The following SLC39A8 variants were observed in gnomAD, a reference collection of about 807,000 sequenced individuals.
SLC39A8 encodes the protein metal cation symporter ZIP8.
In SLC39A8, 15 loss-of-function variants were observed where a neutral mutation model predicts 40.4. The ratio of observed to expected loss-of-function variants is 0.37; its 90% confidence interval spans 0.25 to 0.57. The LOEUF (loss-of-function observed/expected upper bound fraction) is 0.57, where lower values mean the gene tolerates loss of function less well. Ranked by LOEUF, SLC39A8 falls within the 20% of genes least tolerant of loss-of-function variation. The pLI is 0.75. For synonymous variants in SLC39A8, 223 were observed against 221.6 expected, an observed-to-expected ratio of 1.01 and a Z score of -0.06; for missense variants, 472 against 558.8, an observed-to-expected ratio of 0.84 and a Z score of 1.57.
At chr4:102,289,956 CA>C (rs1268687782) in intron 6 of SLC39A8, among the ~76,000 whole-genome samples, 1 of 152,174 alleles carries the variant, frequency 6.6e-6, no homozygotes, top group Non-Finnish European at 1.5e-5. Context: ...CAGAGGATGG[CA>C]TCCAATGTGG....
intron 2 of SLC39A8, among the ~76,000 whole-genome samples, chr4:102,341,386 G>C (rs1243883651): frequency 6.6e-6 from 1 of 152,138 alleles, no homozygotes; most frequent in Admixed American, 6.5e-5. Flanking sequence ...TGAGGAAAAG[G>C]AACATTTGAA....
At chr4:102,255,640 A>G (rs955584804) in intron 11 of SLC39A8, among the ~76,000 whole-genome samples, 1 of 152,200 alleles carries the variant, frequency 6.6e-6, no homozygotes, top group Non-Finnish European at 1.5e-5. Context: ...ATTGGTTGAC[A>G]ATCTCCAGTA....
intron 6 of SLC39A8, among the ~76,000 whole-genome samples, chr4:102,296,831 G>C (rs1341803005): frequency 6.6e-6 from 1 of 152,078 alleles, no homozygotes; most frequent in African/African-American, 2.4e-5. Flanking sequence ...AACTCAACAG[G>C]GAGGGGAGGG....
At chr4:102,333,616 G>A (rs879400423) in intron 2 of SLC39A8, among the ~76,000 whole-genome samples, 24 of 152,286 alleles carry the variant, frequency 1.6e-4, no homozygotes, top group African/African-American at 5.3e-4. Flanking sequence ...AGATGGAGTT[G>A]ATGAGTTTTG....
At chr4:102,278,928 A>T (rs545942138) in intron 6 of SLC39A8, among the ~76,000 whole-genome samples, 42 of 152,132 alleles carry the variant, frequency 2.8e-4, no homozygotes, top group African/African-American at 8.7e-4. Context: ...TCTCACTCAT[A>T]AGTGAGAGTT....
chr4:102,344,621 C>T lies in SLC39A8; in HGVS notation c.42G>A (p.Ala14=), dbSNP rs74655612. 1.3e-6 allele frequency: 2 copies of T among 1,539,598 alleles called. No homozygotes were observed. The highest frequency in any genetic ancestry group is 2.5e-5 in the East Asian group (1 of 39,722). ...CCGCCACTCCTCCGAGGCCGGCGGCCGCCAGCAACAGGAGCCCGGCCACCG... is the reference window on the plus strand; with the variant it reads ...CCGCCACTCCTCCGAGGCCGGCGGCTGCCAGCAACAGGAGCCCGGCCACCG... ...GRAVAGLLLL[A]AAGLGGVAEG... The change falls in exon 2 of 9, where the codon GCG becomes GCA. Residue 14 remains alanine (A), a synonymous_variant. Transcript: ENST00000356736.
At chr4:102,275,949 C>A (rs565536713) in intron 6 of SLC39A8, among the ~76,000 whole-genome samples, 2 of 152,170 alleles carry the variant, frequency 1.3e-5, no homozygotes, top group Non-Finnish European at 2.9e-5. Flanking sequence ...AGAACAAAGA[C>A]ACAACGTACC....
chr4:102,325,723 A>G (rs530564856), intron 2 of SLC39A8, among the ~76,000 whole-genome samples: 33 of 152,234 alleles, frequency 2.2e-4, no homozygotes, highest in Admixed American at 1.9e-3. Flanking sequence ...TTAACAATGT[A>G]CTTGTATTTC....
chr4:102,267,093 C>T (rs1473787909), intron 8 of SLC39A8, among the ~76,000 whole-genome samples: 2 of 152,134 alleles, frequency 1.3e-5, no homozygotes, highest in African/African-American at 4.8e-5. Context: ...ATGCTATTTA[C>T]TCTAATAAGT....
At chr4:102,333,926 C>T (rs1448348663) in intron 2 of SLC39A8, among the ~76,000 whole-genome samples, 1 of 152,118 alleles carries the variant, frequency 6.6e-6, no homozygotes, top group African/African-American at 2.4e-5. Context: ...AAACATGGCA[C>T]AAACAGCTGC....
chr4:102,289,021 G>C (rs926538230), intron 6 of SLC39A8, among the ~76,000 whole-genome samples: 1 of 152,114 alleles, frequency 6.6e-6, no homozygotes, highest in African/African-American at 2.4e-5. Flanking sequence ...GCCATCCAGG[G>C]CTTTCATAGC....
downstream of SLC39A8, among the ~76,000 whole-genome samples, chr4:102,258,104 G>GTTTTTTTTTTTTTTTTTTTTTTTTT (rs752860248): frequency 6.8e-6 from 1 of 146,134 alleles, no homozygotes; most frequent in African/African-American, 2.7e-5. Flanking sequence ...AGTGTTTTTT[G>GTTTTTTTTTTTTTTTTTTTTTTTTT]TTTTTTGTTT....
downstream of SLC39A8, among the ~76,000 whole-genome samples, chr4:102,257,694 C>T (rs1456715269): frequency 6.6e-6 from 1 of 152,104 alleles, no homozygotes; most frequent in Non-Finnish European, 1.5e-5. Flanking sequence ...AGTCTATGTC[C>T]CCAACATTGC....
chr4:102,297,778 C>T (rs1469439147), intron 6 of SLC39A8, among the ~76,000 whole-genome samples: 4 of 151,886 alleles, frequency 2.6e-5, no homozygotes, highest in Admixed American at 1.3e-4. Context: ...GTTAGCCAGG[C>T]ATGGTGGCAT....
rs1731907434 is a variant in SLC39A8, at chr4:102,262,482, C to T, written c.*562G>A. 2 of 985,164 alleles carry T rather than the reference C, an allele frequency of 2.0e-6. No homozygotes were observed. The highest frequency in any genetic ancestry group is 1.7e-5 in the African/African-American group (1 of 57,316). The allele number at this position is 985,164 out of a possible 1,614,324, so 61.0% of individuals were successfully genotyped here. A position where few individuals can be genotyped will look rare whatever the true frequency, so the allele number is the denominator to read the frequency against. ...GTTTTCAAAATAATACTGCAAGTTCCTAATTGAAATACAAAACAGAACAAA... is the reference window on the plus strand; with the variant it reads ...GTTTTCAAAATAATACTGCAAGTTCTTAATTGAAATACAAAACAGAACAAA... On this transcript the variant is annotated 3_prime_UTR_variant, in exon 9 of 9. Transcript: ENST00000356736.
intron 6 of SLC39A8, among the ~76,000 whole-genome samples, chr4:102,280,202 T>C (rs946665109): frequency 2.6e-5 from 4 of 152,232 alleles, no homozygotes; most frequent in Admixed American, 2.6e-4. Flanking sequence ...GAACCTTTTT[T>C]CTTCCCTTTT....
chr4:102,272,305 G>A (rs1732396773), intron 6 of SLC39A8, among the ~76,000 whole-genome samples: 1 of 152,050 alleles, frequency 6.6e-6, no homozygotes, highest in Admixed American at 6.5e-5. Context: ...TGGGAGTGGT[G>A]GTGGGCGCCT....
At chr4:102,300,469 C>G (rs1046532066) in intron 6 of SLC39A8, among the ~76,000 whole-genome samples, 2 of 151,976 alleles carry the variant, frequency 1.3e-5, no homozygotes, top group African/African-American at 4.8e-5. Context: ...CTAAGTCATA[C>G]AGTTTAAGTA....
chr4:102,258,460 C>A (rs1365934948), downstream of SLC39A8, among the ~76,000 whole-genome samples: 3 of 152,126 alleles, frequency 2.0e-5, no homozygotes, highest in Non-Finnish European at 4.4e-5. Flanking sequence ...TAAAATCCTA[C>A]AATTACTTCA....
Sources: gnomAD v4.1 joint callset for allele counts (sites outside exome capture counted in the v4.1 genomes callset) on GRCh38, gnomAD v4.1.1 for gene constraint, MANE v1.5 for transcripts, NCBI Gene and HGNC (gene_info 2026-07-23, HGNC 2026-07-21) for gene names.